LAMP1: variants seen among roughly 807,000 people sequenced by gnomAD.
LAMP1 encodes the protein lysosome-associated membrane glycoprotein 1.
In LAMP1, 7 loss-of-function variants were observed where a neutral mutation model predicts 37.5. The observed-to-expected ratio is 0.19, with a 90% CI of 0.11 to 0.35. The LOEUF (loss-of-function observed/expected upper bound fraction) is 0.35, where lower values mean the gene tolerates loss of function less well. LAMP1 is among the 10% of genes least tolerant of loss of function. The pLI is 1.00. For synonymous variants in LAMP1, 236 were observed against 229.1 expected (o/e 1.03, Z -0.27); for missense variants, 537 against 552.8 (o/e 0.97, Z 0.29).
At chr13:113,304,046 G>A (rs1442886021) in intron 1 of LAMP1, among the ~76,000 whole-genome samples, 1 of 152,152 alleles carries the variant, frequency 6.6e-6, no homozygotes, top group Admixed American at 6.6e-5. Context: ...GCCTGGGCAA[G>A]AGTGAGACTC....
chr13:113,302,488 C>G (rs1229939199), intron 1 of LAMP1, among the ~76,000 whole-genome samples: 3 of 152,196 alleles, frequency 2.0e-5, no homozygotes, highest in Admixed American at 6.5e-5. Flanking sequence ...CGGGCTGTGC[C>G]CGGCCTAATT....
intron 4 of LAMP1, among the ~76,000 whole-genome samples, chr13:113,312,535 G>T (rs1447971805): frequency 1.3e-5 from 2 of 152,186 alleles, no homozygotes; most frequent in Non-Finnish European, 2.9e-5. Context: ...GGAAACCCCG[G>T]GTGTGACTGG....
chr13:113,317,241 A>G (rs530278994), intron 4 of LAMP1, among the ~76,000 whole-genome samples: 10 of 152,180 alleles, frequency 6.6e-5, no homozygotes, highest in Admixed American at 3.3e-4. Context: ...CTGTGCCACC[A>G]TCTCCCCCCG....
intron 4 of LAMP1, among the ~76,000 whole-genome samples, chr13:113,315,049 G>A (rs1296653521): frequency 2.9e-5 from 4 of 137,840 alleles, no homozygotes; most frequent in African/African-American, 1.1e-4. Context: ...GAGGGAACCA[G>A]TGTGGAGATG....
intron 4 of LAMP1, among the ~76,000 whole-genome samples, chr13:113,318,448 T>C (rs1186894091): frequency 6.6e-6 from 1 of 152,180 alleles, no homozygotes; most frequent in African/African-American, 2.4e-5. Flanking sequence ...GTGGAAATTA[T>C]ATAAATATTA....
rs1203962669 is a variant in LAMP1 at position 113,301,660 on chromosome 13, T to A, written c.61+4165T>A. Among the ~76,000 whole-genome samples, 12 of 1,232 alleles carry A rather than the reference T, an allele frequency of 9.7e-3. 1 individual carries two copies. The highest frequency in any genetic ancestry group is 1 in the Middle Eastern group (2 of 2). 0.8% of individuals were successfully genotyped at this position (1,232 alleles called of 152,430 possible). On this transcript the variant is annotated intron_variant, in intron 1 of 8. Transcript: ENST00000332556. ...AAAAAAAAAAATATATATATATATA[T>A]ATATATATATATATATATATATATA...
chr13:113,306,671 A>G, intron 2 of LAMP1, 65 bp downstream of exon 2: 2 of 1,565,802 alleles, frequency 1.3e-6, no homozygotes, highest in Non-Finnish European at 1.7e-6. Context: ...TTAACATTTC[A>G]ACCAAGTCTT....
intron 5 of LAMP1, 85 bp downstream of exon 5, chr13:113,319,741 C>G (rs1357940268): frequency 1.6e-6 from 2 of 1,274,962 alleles, no homozygotes; most frequent in African/African-American, 3.0e-5. Flanking sequence ...ACACGCGTCT[C>G]TGCACGTCAT....
At chr13:113,309,943 T>A in intron 3 of LAMP1, 81 bp downstream of exon 3, 2 of 1,158,856 alleles carry the variant, frequency 1.7e-6, no homozygotes, top group Non-Finnish European at 2.5e-6. Flanking sequence ...ACCTAAGAAG[T>A]ACAGGCTGGG....
At chr13:113,301,635 AAAAAAAAAAATAT>A (rs1566396723) in intron 1 of LAMP1, among the ~76,000 whole-genome samples, 2 of 22,310 alleles carry the variant, frequency 9.0e-5, no homozygotes, top group African/African-American at 2.8e-4. Flanking sequence ...TTTAAAAAAA[AAAAAAAAAAATAT>A]ATATATATAT....
chr13:113,315,002 T>C (rs2042653324), intron 4 of LAMP1, among the ~76,000 whole-genome samples: 2 of 94,428 alleles, frequency 2.1e-5, no homozygotes, highest in Non-Finnish European at 2.0e-5. Flanking sequence ...AGGGAGTCAG[T>C]GTGGAGATGC....
At position 113,321,128 on chromosome 13, in the gene LAMP1, C is replaced by T. The variant is rs1237808232; in HGVS notation, c.877-276C>T. ...CCCAGGAGTTAAGGTTGCGATGAGCCGTGATCACTCCACTGCACTCCAGCC... is the reference window on the plus strand; with the variant it reads ...CCCAGGAGTTAAGGTTGCGATGAGCTGTGATCACTCCACTGCACTCCAGCC... On this transcript the variant is annotated intron_variant, in intron 6 of 8. Coordinates refer to ENST00000332556, the MANE Select transcript of LAMP1 (RefSeq NM_005561.4). The surrounding 1 kb of genome is among the most constrained non-coding windows in gnomAD (Gnocchi z 5.6). 1.9e-5 allele frequency: 8 copies of T among 419,786 alleles called. No homozygotes were observed. Among genetic ancestry groups the T allele is most frequent in the Admixed American group, 1.5e-4 (4 of 27,538 alleles). The allele number at this position is 419,786 out of a possible 1,614,324, so 26.0% of individuals were successfully genotyped here.
At chr13:113,312,059 G>A (rs900176990) in intron 4 of LAMP1, among the ~76,000 whole-genome samples, 14 of 152,286 alleles carry the variant, frequency 9.2e-5, no homozygotes, top group African/African-American at 3.4e-4. Flanking sequence ...CTACTGTGGA[G>A]ACCTTTGGTT....
chr13:113,313,767 C>A (rs539588608), intron 4 of LAMP1, among the ~76,000 whole-genome samples: 1 of 94,570 alleles, frequency 1.1e-5, no homozygotes, highest in Non-Finnish European at 2.0e-5. Context: ...TGGAGATGCC[C>A]GTGTGCCTGG....
At chr13:113,300,697 A>G (rs1463223659) in intron 1 of LAMP1, among the ~76,000 whole-genome samples, 1 of 151,980 alleles carries the variant, frequency 6.6e-6, no homozygotes, top group African/African-American at 2.4e-5. Flanking sequence ...ACAGGCCTGT[A>G]GTCCCAGTTA....
chr13:113,322,272 G>A lies in LAMP1; in HGVS notation c.1115-10G>A. 3 of 1,609,542 alleles carry A rather than the reference G, an allele frequency of 1.9e-6. No individual in the cohort carries two copies. Among genetic ancestry groups the A allele is most frequent in the Non-Finnish European group, 2.5e-6 (3 of 1,177,844 alleles). On this transcript the variant is annotated splice_polypyrimidine_tract_variant and intron_variant, in intron 8 of 8. Transcript: ENST00000332556. ...AGCAGAGCCCTGACACCATCCGTCT[G>A]TCTTGGCAGTGGAGGAGTGTCTGCT... is the stretch of plus-strand genomic sequence containing the variant.
chr13:113,301,546 C>T (rs752083633), intron 1 of LAMP1, among the ~76,000 whole-genome samples: 2 of 150,296 alleles, frequency 1.3e-5, no homozygotes, highest in Non-Finnish European at 3.0e-5. Context: ...TTGCTTGAGC[C>T]CGGGAGGCGG....
At chr13:113,319,718 CT>C in intron 5 of LAMP1, 62 bp downstream of exon 5, 1 of 1,483,714 alleles carries the variant, frequency 6.7e-7, no homozygotes, top group Non-Finnish European at 9.3e-7. Flanking sequence ...CCTCTGCTCC[CT>C]GTGCACTGAG....
chr13:113,310,970 C>A, intron 4 of LAMP1, 103 bp downstream of exon 4: 1 of 973,486 alleles, frequency 1.0e-6, no homozygotes, highest in Non-Finnish European at 1.5e-6. Context: ...TGGGCTCTGC[C>A]TGGAACGCGT....
Sources: allele counts gnomAD v4.1 joint callset (sites outside exome capture counted in the v4.1 genomes callset), GRCh38; gene constraint gnomAD v4.1.1; non-coding constraint Gnocchi (gnomAD v3.1); transcripts MANE v1.5; gene names NCBI Gene and HGNC (gene_info 2026-07-23, HGNC 2026-07-21).